Variants in RPRD2 observed in about 807,000 individuals in gnomAD.
The protein encoded by RPRD2 is regulation of nuclear pre-mRNA domain containing 2, also known as regulation of nuclear pre-mRNA domain-containing protein 2.
A neutral mutation model predicts 104.4 loss-of-function variants in RPRD2; 12 were observed. That is an observed-to-expected ratio of 0.11 (90% CI 0.07 to 0.19). The LOEUF is 0.19. Ranked by LOEUF, RPRD2 falls within the 10% of genes least tolerant of loss-of-function variation. The pLI, the probability that RPRD2 is intolerant of heterozygous loss-of-function variation, is 1.00. For synonymous variants in RPRD2, 714 were observed against 684.9 expected (o/e 1.04, Z -0.66); for missense variants, 1,543 against 1,790.1 (o/e 0.86, Z 2.49).
At chr1:150,444,215 T>A in intron 5 of RPRD2, 36 bp from the exon 6 acceptor site, 1 of 1,588,342 alleles carries the variant, frequency 6.3e-7, no homozygotes, top group Non-Finnish European at 8.6e-7. Context: ...AATTGAATGA[T>A]CTTGTAAATG....
chr1:150,437,933 T>G (rs1019632114), intron 2 of RPRD2, among the ~76,000 whole-genome samples: 4 of 149,928 alleles, frequency 2.7e-5, no homozygotes, highest in Admixed American at 6.7e-5. Context: ...GACTCTGTTG[T>G]CACTTCTTAT....
chr1:150,395,407 A>C (rs1342489150), intron 1 of RPRD2, among the ~76,000 whole-genome samples: 2 of 104,312 alleles, frequency 1.9e-5, no homozygotes, highest in Non-Finnish European at 4.0e-5. Context: ...GTGTATACAC[A>C]TCACAGCACC....
At chr1:150,433,397 ATATATATATAC>A (rs1357521916) in intron 2 of RPRD2, among the ~76,000 whole-genome samples, 56 of 140,132 alleles carry the variant, frequency 4.0e-4, no homozygotes, top group African/African-American at 1.3e-3. Context: ...ATAATATATA[ATATATATATAC>A]TATATATACA....
intron 1 of RPRD2, among the ~76,000 whole-genome samples, chr1:150,379,884 A>G (rs1395527462): frequency 4.6e-5 from 7 of 152,336 alleles, no homozygotes; most frequent in African/African-American, 1.7e-4. Flanking sequence ...CCACAAAAAC[A>G]TAACTCTTTG....
At chr1:150,458,665 A>T in intron 8 of RPRD2, among the ~76,000 whole-genome samples, 1 of 152,006 alleles carries the variant, frequency 6.6e-6, no homozygotes, top group Non-Finnish European at 1.5e-5. Flanking sequence ...AGAAAAAGAG[A>T]GTTTCCCTCT....
chr1:150,461,789 G>A (rs1206206059), intron 9 of RPRD2, among the ~76,000 whole-genome samples: 4 of 151,506 alleles, frequency 2.6e-5, no homozygotes, highest in African/African-American at 9.7e-5. Flanking sequence ...GACCATCCTG[G>A]CCAACATGGT....
intron 1 of RPRD2, among the ~76,000 whole-genome samples, chr1:150,367,104 G>A (rs1403010839): frequency 2.0e-5 from 3 of 152,148 alleles, no homozygotes; most frequent in Non-Finnish European, 4.4e-5. Flanking sequence ...ATTGTGTATA[G>A]TTTATATAGT....
At chr1:150,384,127 T>G (rs1320706854) in intron 1 of RPRD2, among the ~76,000 whole-genome samples, 1 of 152,124 alleles carries the variant, frequency 6.6e-6, no homozygotes, top group Non-Finnish European at 1.5e-5. Flanking sequence ...TTTCCAAACT[T>G]ATTTGACCAT....
intron 10 of RPRD2, among the ~76,000 whole-genome samples, chr1:150,467,090 G>T (rs113163708): frequency 4.4e-4 from 67 of 152,280 alleles, no homozygotes; most frequent in Middle Eastern, 3.4e-3. Flanking sequence ...AGTGTCAGTA[G>T]TGCTGAGGTT....
Position 150,364,679 on chromosome 1 carries a change from G to A in RPRD2, c.-36G>A, listed in dbSNP as rs782045443. 5.9e-5 allele frequency: 76 copies of A among 1,297,742 alleles called. No individual in the cohort carries two copies. The highest frequency in any genetic ancestry group is 7.5e-5 in the Non-Finnish European group (71 of 944,262). The allele number at this position is 1,297,742 out of a possible 1,614,324, so 80.4% of individuals were successfully genotyped here. The stretch of plus-strand genomic sequence containing the variant: ...TCCCGCCGCCGCCGCCGCCGCCGCC[G>A]CCAGAGGAGCAGCAGCGCTTGTGCA... On this transcript the variant is annotated 5_prime_UTR_variant, in exon 1 of 11. Transcript: ENST00000369068.
intron 1 of RPRD2, among the ~76,000 whole-genome samples, chr1:150,406,161 G>A (rs1663456956): frequency 6.6e-6 from 1 of 152,140 alleles, no homozygotes; most frequent in African/African-American, 2.4e-5. Flanking sequence ...TATGGCCACG[G>A]TGCTTGATTA....
In RPRD2 at chr1:150,475,610, ATGTT is replaced by A. The variant is rs1230661830; in HGVS notation, c.*2282_*2285del. On this transcript the variant is annotated 3_prime_UTR_variant, in exon 11 of 11. Coordinates refer to ENST00000369068, the MANE Select transcript of RPRD2 (RefSeq NM_015203.5). Reference sequence around the variant, plus strand: ...TTTTTTAAGCCACAAAATCCTCAATATGTTTGTTTTAGGATGGAAGTGAGGATTT... The same window carrying A: ...TTTTTTAAGCCACAAAATCCTCAATATGTTTTAGGATGGAAGTGAGGATTT... 1.3e-5 allele frequency: 2 copies of A among 152,560 alleles called. No individual in the cohort carries two copies. Among genetic ancestry groups the A allele is most frequent in the Admixed American group, 6.6e-5 (1 of 15,262 alleles). 9.5% of individuals were successfully genotyped at this position (152,560 alleles called of 1,614,324 possible).
At chr1:150,375,262 T>G (rs1660611296) in intron 1 of RPRD2, among the ~76,000 whole-genome samples, 1 of 152,212 alleles carries the variant, frequency 6.6e-6, no homozygotes, top group Non-Finnish European at 1.5e-5. Context: ...TGAAGCAATA[T>G]GTAAAACATA....
intron 2 of RPRD2, among the ~76,000 whole-genome samples, chr1:150,421,728 C>A (rs190239064): frequency 5.3e-5 from 8 of 152,180 alleles, no homozygotes; most frequent in African/African-American, 1.9e-4. Flanking sequence ...GTAATCCTTG[C>A]ACTTTTAGGA....
intron 7 of RPRD2, among the ~76,000 whole-genome samples, chr1:150,446,606 C>G (rs1195167414): frequency 1.3e-5 from 2 of 152,080 alleles, no homozygotes; most frequent in African/African-American, 4.8e-5. Context: ...GAGCCCAGGA[C>G]TTTGAGACCA....
chr1:150,368,757 C>T (rs1181429752), intron 1 of RPRD2, among the ~76,000 whole-genome samples: 1 of 151,812 alleles, frequency 6.6e-6, no homozygotes, highest in East Asian at 1.9e-4. Context: ...TGAGCCGCCG[C>T]ACCCGGTACC....
At chr1:150,383,062 G>T (rs2454286) in intron 1 of RPRD2, among the ~76,000 whole-genome samples, 8 of 151,640 alleles carry the variant, frequency 5.3e-5, no homozygotes, top group African/African-American at 1.9e-4. Context: ...GTGCGATCAT[G>T]GCTCACTGCA....
At chr1:150,399,580 G>A (rs190732452) in intron 1 of RPRD2, among the ~76,000 whole-genome samples, 272 of 151,900 alleles carry the variant, frequency 1.8e-3, no homozygotes, top group African/African-American at 6.1e-3. Flanking sequence ...AACATGGTGA[G>A]ACCTCATCTC....
At position 150,470,595 on chromosome 1, in the gene RPRD2, C is replaced by G. The variant is rs776378083; in HGVS notation, c.1647C>G (p.Asn549Lys). ...CTTTACTTCAGAGTGTTACTGGGAA[C>G]CCAGTTCCAGCCAGTGAAGCTGCCT... ...LSSLLQSVTGNPVPASEAASQ... is the reference protein window; with the variant it reads ...LSSLLQSVTGKPVPASEAASQ... Residue 549 changes from asparagine (N) to lysine (K), a missense_variant, in exon 11 of 11, where the codon AAC becomes AAG. Asn to Lys is a moderately conservative substitution (Grantham distance 94). Around this residue, in one of 4 missense-constraint regions of RPRD2, gnomAD observed 572 missense variants for 787.3 expected, o/e 0.73. Coordinates refer to ENST00000369068, the MANE Select transcript of RPRD2 (RefSeq NM_015203.5). The G allele has an allele frequency of 1.2e-6, 2 of 1,613,876 alleles. No homozygotes were observed. Among genetic ancestry groups the G allele is most frequent in the Non-Finnish European group, 1.7e-6 (2 of 1,179,816 alleles).
Sources: gnomAD v4.1 joint callset for allele counts (sites outside exome capture counted in the v4.1 genomes callset) on GRCh38, gnomAD v4.1.1 for gene constraint, gnomAD v4.1.1 regional missense constraint, MANE v1.5 for transcripts, NCBI Gene and HGNC (gene_info 2026-07-23, HGNC 2026-07-21) for gene names.